Variants in SH3BGR observed in about 807,000 individuals in gnomAD.
The protein encoded by SH3BGR is SH3 domain binding glutamate rich protein.
SH3BGR carries 29 observed loss-of-function variants against 24.5 expected under a neutral mutation model. That is an observed-to-expected ratio of 1.18 (90% CI 0.88 to 1.61). SH3BGR has a LOEUF of 1.61. Among genes scored for constraint, SH3BGR ranks in the 40% most tolerant of loss-of-function variants. SH3BGR has a pLI of 0.00. For missense variants in SH3BGR, 162 were observed against 205.8 expected (o/e 0.79, Z 1.30); for synonymous variants, 55 against 65.7 (o/e 0.84, Z 0.79).
intron 2 of SH3BGR, among the ~76,000 whole-genome samples, chr21:39,467,224 G>A (rs1270959903): frequency 6.6e-6 from 1 of 151,956 alleles, no homozygotes; most frequent in African/African-American, 2.4e-5. Flanking sequence ...AGATTTCAAA[G>A]TCATCTCTTA....
rs1012356762 is a variant in SH3BGR at position 39,499,268 on chromosome 21, GTCTA to G, written c.313-545_313-542del. On this transcript the variant is annotated intron_variant, in intron 3 of 6. Transcript: ENST00000333634. ...CCACCTATCTATCATCTGTCTATCT[GTCTA>G]TCTATCTATGTCTGTCTGCCTGCCT... 1.1e-4 allele frequency among the ~76,000 whole-genome samples: 5 copies of G among 43,964 alleles called. No homozygotes were observed. In the East Asian group the frequency reaches 4.8e-3, roughly 42 times the overall value. The allele number at this position is 43,964 out of a possible 152,430, so 28.8% of individuals were successfully genotyped here. A position where few individuals can be genotyped will look rare whatever the true frequency, so the allele number is the denominator to read the frequency against.
chr21:39,458,281 T>G (rs1360519877), intron 1 of SH3BGR, among the ~76,000 whole-genome samples: 2 of 152,176 alleles, frequency 1.3e-5, no homozygotes, highest in African/African-American at 4.8e-5. Flanking sequence ...AAAATTGAGA[T>G]ATTAGATACT....
chr21:39,499,613 A>G (rs990067094), intron 3 of SH3BGR, among the ~76,000 whole-genome samples: 15 of 152,180 alleles, frequency 9.9e-5, no homozygotes, highest in African/African-American at 3.4e-4. Context: ...TGCAATGCAC[A>G]TAGGTTGGAT....
upstream of SH3BGR, among the ~76,000 whole-genome samples, chr21:39,449,592 G>C (rs2077550819): frequency 6.6e-6 from 1 of 152,170 alleles, no homozygotes; most frequent in Non-Finnish European, 1.5e-5. Flanking sequence ...TTCAGCTGGA[G>C]TTTTCAGATT....
chr21:39,475,348 T>C (rs2078010313), intron 3 of SH3BGR, 133 bp downstream of exon 3: 1 of 567,110 alleles, frequency 1.8e-6, no homozygotes. Context: ...CTTATTCTGA[T>C]GCAGTCCTAT....
intron 1 of SH3BGR, 84 bp from the exon 2 acceptor site, chr21:39,462,291 A>G: frequency 7.4e-6 from 7 of 944,268 alleles, no homozygotes; most frequent in Non-Finnish European, 9.8e-6. Context: ...GTTGTATAGT[A>G]TAACTAGAGG....
intron 1 of SH3BGR, among the ~76,000 whole-genome samples, chr21:39,454,379 G>A (rs3787925): frequency 0.92 from 140,212 of 152,352 alleles, 64,680 homozygotes; most frequent in African/African-American, 0.98. Flanking sequence ...GCAAATTGTA[G>A]TCTCCTTATG....
Position 39,500,070 on chromosome 21 carries a change from G to A in SH3BGR, c.405+155G>A, listed in dbSNP as rs562901129. Reference sequence around the variant, plus strand: ...GAGGAAGCAAGTAATTTCTACTGATGTGTTAAGCACTGGAATCCTGGTGCA... The same window carrying A: ...GAGGAAGCAAGTAATTTCTACTGATATGTTAAGCACTGGAATCCTGGTGCA... On this transcript the variant is annotated intron_variant, in intron 4 of 6. Coordinates refer to ENST00000333634, the MANE Select transcript of SH3BGR (RefSeq NM_007341.3). Among the ~76,000 whole-genome samples, 104 of 152,304 alleles carry A rather than the reference G, an allele frequency of 6.8e-4. 1 individual carries two copies. The highest frequency in any genetic ancestry group is 2.3e-3 in the African/African-American group (97 of 41,568).
At chr21:39,480,315 A>G (rs1270483241) in intron 3 of SH3BGR, among the ~76,000 whole-genome samples, 1 of 152,220 alleles carries the variant, frequency 6.6e-6, no homozygotes, top group Admixed American at 6.5e-5. Context: ...CATCCTTAAA[A>G]GAAACCCAGT....
intron 3 of SH3BGR, among the ~76,000 whole-genome samples, chr21:39,492,340 T>A (rs2078313219): frequency 6.6e-6 from 1 of 152,168 alleles, no homozygotes; most frequent in African/African-American, 2.4e-5. Context: ...TGTTTGGTTT[T>A]CCATTTCTGA....
At chr21:39,465,725 G>A (rs1228820634) in intron 2 of SH3BGR, among the ~76,000 whole-genome samples, 3 of 151,928 alleles carry the variant, frequency 2.0e-5, no homozygotes, top group Admixed American at 6.6e-5. Context: ...TCAGTAGCTG[G>A]GACTACAGGT....
chr21:39,500,647 T>C (rs566879842), intron 4 of SH3BGR, among the ~76,000 whole-genome samples: 1 of 152,188 alleles, frequency 6.6e-6, no homozygotes, highest in South Asian at 2.1e-4. Context: ...CTGGGCCTCC[T>C]TAGAGGAGAA....
Position 39,467,202 on chromosome 21 carries a change from C to A in SH3BGR, c.231+4642C>A, listed in dbSNP as rs2077857919. ...ATAAAATTACTACAGTTATTTTCTG[C>A]TATAAAAAAGAAGATTTCAAAGTCA... On this transcript the variant is annotated intron_variant, in intron 2 of 6. Transcript: ENST00000333634. 2.6e-5 allele frequency among the ~76,000 whole-genome samples: 4 copies of A among 151,670 alleles called. No individual in the cohort carries two copies. In the Admixed American group the frequency reaches 2.6e-4, roughly 10 times the overall value.
At chr21:39,456,400 C>T (rs757484047) in intron 1 of SH3BGR, among the ~76,000 whole-genome samples, 6 of 152,114 alleles carry the variant, frequency 3.9e-5, no homozygotes, top group South Asian at 2.1e-4. Context: ...TATAAAATGG[C>T]GTGAATAGTT....
At chr21:39,467,175 G>A (rs550030678) in intron 2 of SH3BGR, among the ~76,000 whole-genome samples, 6 of 152,064 alleles carry the variant, frequency 3.9e-5, no homozygotes, top group South Asian at 2.1e-4. Flanking sequence ...TTAACTCCTA[G>A]GATAAAATTA....
chr21:39,503,985 T>A (rs966497721), intron 4 of SH3BGR, among the ~76,000 whole-genome samples: 1 of 152,140 alleles, frequency 6.6e-6, no homozygotes, highest in Non-Finnish European at 1.5e-5. Context: ...AAACAGAAAG[T>A]CAGCTCAGCT....
chr21:39,460,350 A>G (rs750821519), intron 1 of SH3BGR, among the ~76,000 whole-genome samples: 2 of 152,168 alleles, frequency 1.3e-5, no homozygotes, highest in Non-Finnish European at 1.5e-5. Flanking sequence ...AGCTACTTTT[A>G]GTTCAATGTG....
In SH3BGR at chr21:39,469,619, T is replaced by C. The variant is rs574508519; in HGVS notation, c.232-5516T>C. 4.4e-3 allele frequency among the ~76,000 whole-genome samples: 619 copies of C among 141,378 alleles called. 1 individual carries two copies. The highest frequency in any genetic ancestry group is 7.3e-3 in the Non-Finnish European group (471 of 64,372). The allele number at this position is 141,378 out of a possible 152,430, so 92.7% of individuals were successfully genotyped here. A position where few individuals can be genotyped will look rare whatever the true frequency, so the allele number is the denominator to read the frequency against. On this transcript the variant is annotated intron_variant, in intron 2 of 6. Transcript: ENST00000333634. Reference sequence around the variant, plus strand: ...TCAGTTCATTCCATATATTTTGATATGCAGTATTTTCTTTTTTTTAAATTT... The same window carrying C: ...TCAGTTCATTCCATATATTTTGATACGCAGTATTTTCTTTTTTTTAAATTT...
chr21:39,514,186 C>G (rs1324474726), intron 6 of SH3BGR, among the ~76,000 whole-genome samples: 1 of 152,120 alleles, frequency 6.6e-6, no homozygotes, highest in Non-Finnish European at 1.5e-5. Flanking sequence ...ATGATGCAGT[C>G]AGGTATTCTG....
Sources: allele counts gnomAD v4.1 joint callset (sites outside exome capture counted in the v4.1 genomes callset), GRCh38; gene constraint gnomAD v4.1.1; transcripts MANE v1.5; gene names NCBI Gene and HGNC (gene_info 2026-07-23, HGNC 2026-07-21).